Variants in ZBTB20 observed in about 807,000 individuals in gnomAD.
ZBTB20 encodes the protein zinc finger and BTB domain-containing protein 20.
A neutral mutation model predicts 56.9 loss-of-function variants in ZBTB20; 9 were observed. The ratio of observed to expected loss-of-function variants is 0.16; its 90% CI spans 0.10 to 0.28. The LOEUF (loss-of-function observed/expected upper bound fraction) is 0.28. ZBTB20 is among the 10% of genes least tolerant of loss of function. The pLI, the probability that ZBTB20 is intolerant of heterozygous loss-of-function variation, is 1.00. For missense variants in ZBTB20, 655 were observed against 1,003.0 expected, an observed-to-expected ratio of 0.65 and a Z score of 4.69; for synonymous variants, 417 against 420.7, an observed-to-expected ratio of 0.99 and a Z score of 0.11.
chr3:114,605,960 A>C (rs975576475), intron 6 of ZBTB20, among the ~76,000 whole-genome samples: 1 of 152,204 alleles, frequency 6.6e-6, no homozygotes, highest in Non-Finnish European at 1.5e-5. Flanking sequence ...TTGTGATGGA[A>C]GCACTACTTT....
chr3:114,978,740 A>G (rs2078210277), intron 2 of ZBTB20, among the ~76,000 whole-genome samples: 1 of 151,786 alleles, frequency 6.6e-6, no homozygotes, highest in African/African-American at 2.4e-5. Flanking sequence ...CTTAAACTAC[A>G]TTATTCTTTG....
intron 4 of ZBTB20, among the ~76,000 whole-genome samples, chr3:114,864,487 GA>G (rs1404430885): frequency 2.2e-5 from 1 of 45,914 alleles, no homozygotes; most frequent in African/African-American, 3.0e-5. Flanking sequence ...TAATTACAAG[GA>G]TTTTTTTTTT....
At chr3:114,404,415 A>G (rs1444599385) in intron 7 of ZBTB20, among the ~76,000 whole-genome samples, 1 of 152,194 alleles carries the variant, frequency 6.6e-6, no homozygotes, top group African/African-American at 2.4e-5. Context: ...CAAACAAATA[A>G]AACAAAACAG....
intron 6 of ZBTB20, among the ~76,000 whole-genome samples, chr3:114,686,250 C>G (rs1407944195): frequency 1.5e-4 from 23 of 152,076 alleles, no homozygotes; most frequent in Non-Finnish European, 5.9e-5. Flanking sequence ...GTATTCATCC[C>G]TTGTGATGGT....
At chr3:114,702,044 A>C (rs1441316643) in intron 5 of ZBTB20, among the ~76,000 whole-genome samples, 1 of 152,234 alleles carries the variant, frequency 6.6e-6, no homozygotes, top group Non-Finnish European at 1.5e-5. Flanking sequence ...CATAAAAAAA[A>C]ATCAGATGAT....
chr3:114,436,168 A>G (rs1413712319), intron 7 of ZBTB20, among the ~76,000 whole-genome samples: 1 of 152,222 alleles, frequency 6.6e-6, no homozygotes, highest in Non-Finnish European at 1.5e-5. Flanking sequence ...AATAGTTGCT[A>G]ATATTTCTCT....
chr3:114,816,342 G>A (rs1297455907), intron 4 of ZBTB20, among the ~76,000 whole-genome samples: 1 of 152,124 alleles, frequency 6.6e-6, no homozygotes, highest in Non-Finnish European at 1.5e-5. Flanking sequence ...CACACAGGAA[G>A]CTCAGAATTA....
intron 5 of ZBTB20, among the ~76,000 whole-genome samples, chr3:114,732,182 C>G (rs1176482820): frequency 1.3e-5 from 2 of 152,166 alleles, no homozygotes; most frequent in African/African-American, 4.8e-5. Context: ...TCTATACTTT[C>G]TGTAAATCAG....
intron 7 of ZBTB20, among the ~76,000 whole-genome samples, chr3:114,456,619 A>G (rs1405912589): frequency 6.6e-6 from 1 of 152,176 alleles, no homozygotes; most frequent in African/African-American, 2.4e-5. Flanking sequence ...AGCTACTAAA[A>G]AGGGGAAACT....
intron 1 of ZBTB20, among the ~76,000 whole-genome samples, chr3:115,134,008 T>C (rs1411061848): frequency 1.3e-5 from 2 of 152,248 alleles, no homozygotes; most frequent in African/African-American, 4.8e-5. Context: ...CGGGTTTTAC[T>C]ATATGGTTTT....
chr3:114,681,253 G>A lies in ZBTB20; in HGVS notation c.-295+12275C>T, dbSNP rs568099079. Among the ~76,000 whole-genome samples the A allele has an allele frequency of 3.4e-4, 51 of 151,406 alleles. 1 individual carries two copies. Among genetic ancestry groups the A allele is most frequent in the African/African-American group, 8.7e-4 (36 of 41,236 alleles). ...TGGCTCACTGCAACCTCCGTCTCCC[G>A]GGTTTAAGCGATCCTTCTGCCTTAG... On this transcript the variant is annotated intron_variant, in intron 6 of 11. Transcript: ENST00000675478.
At chr3:114,845,587 TG>T (rs1205092096) in intron 4 of ZBTB20, among the ~76,000 whole-genome samples, 1 of 151,912 alleles carries the variant, frequency 6.6e-6, no homozygotes, top group Non-Finnish European at 1.5e-5. Context: ...AAGCTCTAAT[TG>T]TGCCAATTGT....
intron 7 of ZBTB20, among the ~76,000 whole-genome samples, chr3:114,408,682 AAATC>A (rs1364170460): frequency 6.6e-6 from 1 of 152,158 alleles, no homozygotes; most frequent in Non-Finnish European, 1.5e-5. Context: ...TGTTGGTCAC[AAATC>A]AATGCTACAG....
At chr3:114,779,656 A>G (rs1277619683) in intron 5 of ZBTB20, among the ~76,000 whole-genome samples, 2 of 152,350 alleles carry the variant, frequency 1.3e-5, no homozygotes, top group East Asian at 3.9e-4. Flanking sequence ...GTACTGTGCT[A>G]TAACAAATAT....
At chr3:114,390,088 C>T (rs530366618) in intron 7 of ZBTB20, among the ~76,000 whole-genome samples, 2 of 152,038 alleles carry the variant, frequency 1.3e-5, no homozygotes, top group Non-Finnish European at 2.9e-5. Context: ...GTCTCCTCAG[C>T]GTCTGGCAGC....
At chr3:114,868,067 CT>C (rs2075839822) in intron 4 of ZBTB20, among the ~76,000 whole-genome samples, 1 of 152,108 alleles carries the variant, frequency 6.6e-6, no homozygotes, top group South Asian at 2.1e-4. Flanking sequence ...ACATGTGTTT[CT>C]CCCATCATCT....
intron 5 of ZBTB20, among the ~76,000 whole-genome samples, chr3:114,709,388 G>A (rs1338146424): frequency 6.6e-6 from 1 of 152,076 alleles, no homozygotes; most frequent in Non-Finnish European, 1.5e-5. Flanking sequence ...GCCTTAAAAG[G>A]CCAAGGTAGT....
intron 4 of ZBTB20, among the ~76,000 whole-genome samples, chr3:114,847,828 G>A (rs900179238): frequency 6.6e-6 from 1 of 152,062 alleles, no homozygotes; most frequent in African/African-American, 2.4e-5. Context: ...GCACCCTGTG[G>A]GCCTTCAGTA....
intron 7 of ZBTB20, among the ~76,000 whole-genome samples, chr3:114,450,584 T>A (rs959381087): frequency 6.6e-6 from 1 of 152,122 alleles, no homozygotes; most frequent in African/African-American, 2.4e-5. Context: ...AACTAAAAAC[T>A]ATGGGTTTAA....
Sources: allele counts gnomAD v4.1 joint callset (sites outside exome capture counted in the v4.1 genomes callset), GRCh38; gene constraint gnomAD v4.1.1; transcripts MANE v1.5; gene names NCBI Gene and HGNC (gene_info 2026-07-23, HGNC 2026-07-21).